CTNNA3: variants seen among roughly 807,000 people sequenced by gnomAD.
The protein encoded by CTNNA3 is catenin alpha-3.
CTNNA3 carries 76 observed loss-of-function variants against 95.7 expected under a neutral mutation model. The ratio of observed to expected loss-of-function variants is 0.79; its 90% CI spans 0.66 to 0.96. CTNNA3 has a LOEUF of 0.96. CTNNA3 is among the 40% of genes least tolerant of loss of function. The pLI, the probability that CTNNA3 is intolerant of heterozygous loss-of-function variation, is 0.00. For missense variants in CTNNA3, 1,191 were observed against 1,089.8 expected (o/e 1.09, Z -1.31); for synonymous variants, 431 against 374.4 (o/e 1.15, Z -1.74).
intron 9 of CTNNA3, among the ~76,000 whole-genome samples, chr10:66,685,783 G>A (rs1310144825): frequency 6.6e-6 from 1 of 151,910 alleles, no homozygotes; most frequent in Non-Finnish European, 1.5e-5. Context: ...TTAAAGTGTG[G>A]GGTCCTGGAA....
chr10:66,366,299 G>A (rs1212822126), intron 12 of CTNNA3, among the ~76,000 whole-genome samples: 1 of 152,088 alleles, frequency 6.6e-6, no homozygotes, highest in Non-Finnish European at 1.5e-5. Flanking sequence ...TAAGTTAAAC[G>A]AAATAAATCT....
intron 16 of CTNNA3, among the ~76,000 whole-genome samples, chr10:65,978,599 C>T (rs902797952): frequency 1.3e-5 from 2 of 152,056 alleles, no homozygotes; most frequent in South Asian, 2.1e-4. Flanking sequence ...TGTCATCAGG[C>T]GATCCATGTA....
At chr10:66,413,550 C>G (rs764031683) in intron 11 of CTNNA3, among the ~76,000 whole-genome samples, 4 of 152,066 alleles carry the variant, frequency 2.6e-5, no homozygotes, top group Non-Finnish European at 5.9e-5. Flanking sequence ...TTTTATAAAA[C>G]AAAATATGGT....
intron 12 of CTNNA3, among the ~76,000 whole-genome samples, chr10:66,337,587 C>T (rs542342283): frequency 6.6e-6 from 1 of 151,886 alleles, no homozygotes; most frequent in Non-Finnish European, 1.5e-5. Context: ...GATTCTTAAT[C>T]ATTACCCTGG....
Position 67,159,065 on chromosome 10 carries a change from T to C in CTNNA3, c.1047+21252A>G, listed in dbSNP as rs573089344. On this transcript the variant is annotated intron_variant, in intron 7 of 17. Coordinates refer to ENST00000433211, the MANE Select transcript of CTNNA3 (RefSeq NM_013266.4). ...GGCCTGCCTGGCCTAAACCCAGTAG[T>C]TAAAAATCAACTCATAACTTAAAAA... Among the ~76,000 whole-genome samples, 5 of 152,240 alleles carry C rather than the reference T, an allele frequency of 3.3e-5. No individual in the cohort carries two copies. The South Asian group carries it at 8.3e-4, about 25-fold the overall frequency.
intron 12 of CTNNA3, among the ~76,000 whole-genome samples, chr10:66,356,642 A>G (rs556309091): frequency 6.1e-4 from 92 of 152,062 alleles, no homozygotes; most frequent in Non-Finnish European, 9.9e-4. Flanking sequence ...CCTTTAATGT[A>G]ATGTTAAAAA....
intron 7 of CTNNA3, among the ~76,000 whole-genome samples, chr10:67,009,735 T>C (rs1852210585): frequency 6.6e-6 from 1 of 152,184 alleles, no homozygotes; most frequent in Non-Finnish European, 1.5e-5. Flanking sequence ...TTGCAGTCTC[T>C]TGTTTCTCTT....
At chr10:67,027,419 T>G (rs950123605) in intron 7 of CTNNA3, among the ~76,000 whole-genome samples, 2 of 150,608 alleles carry the variant, frequency 1.3e-5, no homozygotes, top group South Asian at 4.2e-4. Context: ...ATGACTTGCC[T>G]TTTTTTTCTT....
chr10:66,633,973 A>G (rs1845247430), intron 9 of CTNNA3, among the ~76,000 whole-genome samples: 1 of 152,148 alleles, frequency 6.6e-6, no homozygotes, highest in African/African-American at 2.4e-5. Context: ...GTAAAACAGC[A>G]TGTGTAATAA....
At chr10:66,752,343 G>A (rs553889817) in intron 9 of CTNNA3, among the ~76,000 whole-genome samples, 12 of 152,180 alleles carry the variant, frequency 7.9e-5, no homozygotes, top group African/African-American at 2.9e-4. Context: ...ATAGACAAAT[G>A]ATAATCTTTT....
intron 12 of CTNNA3, among the ~76,000 whole-genome samples, chr10:66,367,867 TAATAATAATAATA>T (rs1564903040): frequency 2.8e-3 from 154 of 54,454 alleles, no homozygotes; most frequent in Middle Eastern, 7.1e-3. Flanking sequence ...ATAATAATAA[TAATAATAATAATA>T]ATTATTATTA....
chr10:67,219,594 T>C lies in CTNNA3; in HGVS notation c.843+13A>G. 1 of 1,606,992 alleles carries C rather than the reference T, an allele frequency of 6.2e-7. No individual in the cohort carries two copies. Among genetic ancestry groups the C allele is most frequent in the East Asian group, 2.2e-5 (1 of 44,726 alleles). On this transcript the variant is annotated intron_variant, in intron 6 of 17. Coordinates refer to ENST00000433211, the MANE Select transcript of CTNNA3 (RefSeq NM_013266.4). ...AGGACATCAGATCACACTTTATCTT[T>C]CTCCCGACTTACCTCCAGCTCATCA...
At chr10:66,585,125 T>C (rs1412855305) in intron 10 of CTNNA3, among the ~76,000 whole-genome samples, 1 of 152,078 alleles carries the variant, frequency 6.6e-6, no homozygotes, top group Non-Finnish European at 1.5e-5. Flanking sequence ...TTTTCCTTCA[T>C]GTTGACTTTA....
At chr10:66,581,803 T>C (rs1012946251) in intron 10 of CTNNA3, among the ~76,000 whole-genome samples, 1 of 151,612 alleles carries the variant, frequency 6.6e-6, no homozygotes, top group Non-Finnish European at 1.5e-5. Flanking sequence ...TTTAGGTCTT[T>C]AGTCAAGGTA....
chr10:65,942,807 T>TA (rs34732622), intron 17 of CTNNA3, among the ~76,000 whole-genome samples: 22,792 of 152,012 alleles, frequency 0.15, 2,119 homozygotes, highest in South Asian at 0.22. Flanking sequence ...GGCTCTGGAA[T>TA]AAAAAAACCT....
At chr10:66,154,872 C>A (rs2084409023) in intron 13 of CTNNA3, among the ~76,000 whole-genome samples, 1 of 150,924 alleles carries the variant, frequency 6.6e-6, no homozygotes, top group Admixed American at 6.7e-5. Context: ...CCAAACAGTT[C>A]TTTTAGAGGA....
At chr10:67,475,643 G>A (rs565761231) in intron 5 of CTNNA3, among the ~76,000 whole-genome samples, 10 of 152,156 alleles carry the variant, frequency 6.6e-5, no homozygotes, top group East Asian at 1.9e-4. Flanking sequence ...AACAAAAAAC[G>A]TTAACTTCCA....
At position 66,360,641 on chromosome 10, in the gene CTNNA3, TTCTTTC is replaced by T. The variant is rs1270570714; in HGVS notation, c.1732+18505_1732+18510del. On this transcript the variant is annotated intron_variant, in intron 12 of 17. Coordinates refer to ENST00000433211, the MANE Select transcript of CTNNA3 (RefSeq NM_013266.4). ...TTTCTTTCTTTCTTTCTTTCTTTCT[TTCTTTC>T]TTTCTTTCTTTCTTCCTTCCTTCCT... Among the ~76,000 whole-genome samples the T allele has an allele frequency of 1.0e-4, 6 of 60,192 alleles. No homozygotes were observed. The Admixed American group carries it at 1.1e-3, about 11-fold the overall frequency. 39.5% of individuals were successfully genotyped at this position (60,192 alleles called of 152,430 possible).
At position 66,526,213 on chromosome 10, in the gene CTNNA3, T is replaced by A. The variant is rs138907414; in HGVS notation, c.1375-5440A>T. Among the ~76,000 whole-genome samples the A allele has an allele frequency of 3.2e-4, 49 of 152,098 alleles. 1 individual carries two copies. The highest frequency in any genetic ancestry group is 5.7e-4 in the Non-Finnish European group (39 of 67,990). ...ATATGACAATTTTTTTAAAAAGGGG[T>A]CTCACTCTGTCACCTATGCTGGAGT... On this transcript the variant is annotated intron_variant, in intron 10 of 17. Transcript: ENST00000433211.
Sources: allele counts gnomAD v4.1 joint callset (sites outside exome capture counted in the v4.1 genomes callset), GRCh38; gene constraint gnomAD v4.1.1; transcripts MANE v1.5; gene names NCBI Gene and HGNC (gene_info 2026-07-23, HGNC 2026-07-21).